ABCA13: variants seen among roughly 807,000 people sequenced by gnomAD.
ABCA13 encodes the protein ATP-binding cassette sub-family A member 13.
In ABCA13, 476 loss-of-function variants were observed where a neutral mutation model predicts 478.7. That is an observed-to-expected ratio of 0.99 (90% confidence interval 0.92 to 1.07). The LOEUF (loss-of-function observed/expected upper bound fraction) is 1.07. ABCA13 is among the 50% of genes least tolerant of loss of function. The pLI is 0.00. For synonymous variants in ABCA13, 2,252 were observed against 2,158.9 expected (o/e 1.04, Z -1.20); for missense variants, 6,060 against 5,910.6 (o/e 1.03, Z -0.83).
rs1792032247 is a variant in ABCA13 at position 48,248,452 on chromosome 7, C to T, written c.1865+8C>T. On this transcript the variant is annotated splice_region_variant and intron_variant, in intron 14 of 61. Coordinates refer to ENST00000435803, the MANE Select transcript of ABCA13 (RefSeq NM_152701.5). ...CCAGCTTGTCTCCACAGTGTAAGTA[C>T]ATGTTTGGTGGGAAACTTATAAACA... The T allele has an allele frequency of 2.6e-6, 4 of 1,562,242 alleles. No individual in the cohort carries two copies. The highest frequency in any genetic ancestry group is 3.5e-6 in the Non-Finnish European group (4 of 1,154,438).
At position 48,274,169 on chromosome 7, in the gene ABCA13, G is replaced by C; in HGVS notation, c.4503G>C (p.Arg1501Ser). ...ALLNDSTKQVRMSINNLTTDF... is the reference protein window; with the variant it reads ...ALLNDSTKQVSMSINNLTTDF... ...TAAATGATTCCACAAAGCAAGTAAG[G>C]ATGAGTATCAACAACTTAACAACAG... Residue 1501 changes from arginine (R) to serine (S), a missense_variant, in exon 17 of 62, where the codon AGG becomes AGC. This residue lies in a region of ABCA13 where 4,423 missense variants were observed against 4,309.1 expected (regional missense o/e 1.03). Coordinates refer to ENST00000435803, the MANE Select transcript of ABCA13 (RefSeq NM_152701.5). 1 of 1,610,928 alleles carries C rather than the reference G, an allele frequency of 6.2e-7. No homozygotes were observed. Among genetic ancestry groups the C allele is most frequent in the Non-Finnish European group, 8.5e-7 (1 of 1,178,096 alleles).
intron 55 of ABCA13, among the ~76,000 whole-genome samples, chr7:48,561,643 T>C (rs998448886): frequency 6.6e-6 from 1 of 152,212 alleles, no homozygotes; most frequent in African/African-American, 2.4e-5. Context: ...TAATAGCTTA[T>C]CAGATATATG....
chr7:48,213,767 T>C (rs1786036735), intron 3 of ABCA13, among the ~76,000 whole-genome samples: 1 of 152,250 alleles, frequency 6.6e-6, no homozygotes, highest in Non-Finnish European at 1.5e-5. Flanking sequence ...TCCTTTGTTA[T>C]CATTTCAGTA....
At chr7:48,363,710 T>C (rs1300083613) in intron 31 of ABCA13, among the ~76,000 whole-genome samples, 2 of 152,154 alleles carry the variant, frequency 1.3e-5, no homozygotes, top group Non-Finnish European at 2.9e-5. Flanking sequence ...GGCCTGTGTT[T>C]CTTCCAATTT....
At chr7:48,190,902 CA>C (rs1413591919) in intron 1 of ABCA13, among the ~76,000 whole-genome samples, 4 of 151,874 alleles carry the variant, frequency 2.6e-5, no homozygotes, top group Non-Finnish European at 5.9e-5. Context: ...TTTATAATGT[CA>C]AAAGTTATAT....
intron 16 of ABCA13, among the ~76,000 whole-genome samples, chr7:48,270,543 A>T (rs1795460280): frequency 6.6e-6 from 1 of 152,158 alleles, no homozygotes. Context: ...GGAGGGCTGG[A>T]TTTAGGCAAG....
intron 18 of ABCA13, among the ~76,000 whole-genome samples, chr7:48,280,607 C>T (rs555041245): frequency 6.6e-6 from 1 of 152,076 alleles, no homozygotes; most frequent in Non-Finnish European, 1.5e-5. Context: ...TAGGGTGGTC[C>T]CTGGTCTCTG....
rs118152326 is a variant in ABCA13, at chr7:48,643,431, C to G, written c.14943+38C>G. 5,243 of 1,481,802 alleles carry G rather than the reference C, an allele frequency of 3.5e-3. 13 individuals are homozygous for G. Among genetic ancestry groups the G allele is most frequent in the Non-Finnish European group, 4.4e-3 (4,757 of 1,070,714 alleles). The allele number at this position is 1,481,802 out of a possible 1,614,324, so 91.8% of individuals were successfully genotyped here. On this transcript the variant is annotated intron_variant, in intron 60 of 61. Transcript: ENST00000435803. The stretch of plus-strand genomic sequence containing the variant: ...TCTTGTATTATTTCTTTGTTTTCAG[C>G]TAAAAAAAAATAATAAATGTACCTG...
At chr7:48,308,657 ACCG>A (rs1234436508) in intron 23 of ABCA13, among the ~76,000 whole-genome samples, 1 of 151,936 alleles carries the variant, frequency 6.6e-6, no homozygotes, top group Non-Finnish European at 1.5e-5. Context: ...TGGGACTACC[ACCG>A]TATATGTGGT....
At chr7:48,396,851 T>G (rs1481240417) in intron 38 of ABCA13, among the ~76,000 whole-genome samples, 1 of 152,190 alleles carries the variant, frequency 6.6e-6, no homozygotes, top group Non-Finnish European at 1.5e-5. Flanking sequence ...TTGTGGAACC[T>G]GCCTCTGGGG....
intron 48 of ABCA13, 38 bp from the exon 49 acceptor site, chr7:48,506,298 G>T (rs1327882896): frequency 1.2e-6 from 2 of 1,603,016 alleles, no homozygotes; most frequent in African/African-American, 2.7e-5. Context: ...CCATGCAGGA[G>T]CAGGCTGAAG....
At chr7:48,173,034 A>G (rs957438576) in intron 1 of ABCA13, among the ~76,000 whole-genome samples, 2 of 152,162 alleles carry the variant, frequency 1.3e-5, no homozygotes, top group Non-Finnish European at 2.9e-5. Flanking sequence ...TGCTTTATGC[A>G]TATCTACCTC....
rs746053161 is a variant in ABCA13 at position 48,520,133 on chromosome 7, T to C, written c.13890T>C (p.Asn4630=). ...LGQGLVELCY[N]QIKYDLTHNF... ...AAGGACTGGTAGAACTCTGCTATAA[T>C]CAGATCAAATATGACCTGACCCACA... The change falls in exon 53 of 62, where the codon AAT becomes AAC. Residue 4630 remains asparagine, a synonymous_variant. Transcript: ENST00000435803. 3.8e-5 allele frequency: 61 copies of C among 1,613,780 alleles called. No individual in the cohort carries two copies. Among genetic ancestry groups the C allele is most frequent in the Non-Finnish European group, 5.0e-5 (59 of 1,179,792 alleles).
chr7:48,625,093 A>G (rs1793536800), intron 59 of ABCA13, among the ~76,000 whole-genome samples: 1 of 151,978 alleles, frequency 6.6e-6, no homozygotes, highest in South Asian at 2.1e-4. Context: ...TTGTTTGTGG[A>G]TTTTTTTCCT....
intron 48 of ABCA13, among the ~76,000 whole-genome samples, chr7:48,505,604 G>A: frequency 6.6e-6 from 1 of 152,144 alleles, no homozygotes; most frequent in East Asian, 1.9e-4. Flanking sequence ...TCCAATCACT[G>A]ACACAACCAA....
At chr7:48,511,276 T>A (rs1451316575) in intron 51 of ABCA13, 77 bp downstream of exon 51, 2 of 1,149,600 alleles carry the variant, frequency 1.7e-6, no homozygotes, top group African/African-American at 3.1e-5. Flanking sequence ...GCTTTGAACC[T>A]GCTGTCGACT....
At chr7:48,352,089 C>T (rs2128984864) in intron 30 of ABCA13, 92 bp from the exon 31 acceptor site, 11 of 1,306,014 alleles carry the variant, frequency 8.4e-6, no homozygotes, top group Non-Finnish European at 7.4e-6. Flanking sequence ...GTCTCAGGCT[C>T]CTGCAACTTT....
At chr7:48,371,312 G>A (rs185471568) in intron 32 of ABCA13, among the ~76,000 whole-genome samples, 78 of 152,178 alleles carry the variant, frequency 5.1e-4, no homozygotes, top group African/African-American at 1.8e-3. Flanking sequence ...ATCTAATTCT[G>A]TGAAGAGTGC....
chr7:48,404,069 CT>C, intron 39 of ABCA13, 190 bp downstream of exon 39: 1 of 662,496 alleles, frequency 1.5e-6, no homozygotes, highest in South Asian at 1.5e-5. Flanking sequence ...CTTAGAATTG[CT>C]TACTTTGTGT....
Sources: gnomAD v4.1 joint callset for allele counts (sites outside exome capture counted in the v4.1 genomes callset) on GRCh38, gnomAD v4.1.1 for gene constraint, gnomAD v4.1.1 regional missense constraint, MANE v1.5 for transcripts, NCBI Gene and HGNC (gene_info 2026-07-23, HGNC 2026-07-21) for gene names.